HPSE2: variants seen among roughly 807,000 people sequenced by gnomAD.
The protein encoded by HPSE2 is inactive heparanase-2.
In HPSE2, 38 loss-of-function variants were observed where a neutral mutation model predicts 60.5. The ratio of observed to expected loss-of-function variants is 0.63; its 90% confidence interval spans 0.48 to 0.82. The LOEUF is 0.82. Ranked by LOEUF, HPSE2 falls within the 40% of genes least tolerant of loss-of-function variation. The probability of loss-of-function intolerance (pLI) is 0.00; values close to 1 mark genes in which losing one functional copy is unlikely to be tolerated. For synonymous variants in HPSE2, 295 were observed against 293.2 expected (o/e 1.01, Z -0.06); for missense variants, 713 against 740.4 (o/e 0.96, Z 0.43).
chr10:98,689,915 T>A (rs965465227), intron 6 of HPSE2, among the ~76,000 whole-genome samples: 2 of 152,202 alleles, frequency 1.3e-5, no homozygotes, highest in Non-Finnish European at 2.9e-5. Flanking sequence ...GTTTATCAAG[T>A]CCTTCTAAAT....
At chr10:99,053,311 G>A (rs1958032317) in intron 3 of HPSE2, among the ~76,000 whole-genome samples, 1 of 152,062 alleles carries the variant, frequency 6.6e-6, no homozygotes, top group South Asian at 2.1e-4. Context: ...ACTCTAAGTA[G>A]ATTGTGATAA....
chr10:98,949,879 A>C lies in HPSE2; in HGVS notation c.610+194359T>G, dbSNP rs558563394. Among the ~76,000 whole-genome samples the C allele has an allele frequency of 2.6e-5, 4 of 152,280 alleles. No homozygotes were observed. In the East Asian group the frequency reaches 7.7e-4, roughly 29 times the overall value. Reference sequence around the variant, plus strand: ...AGCTAAAGGAAAGATATATAAAAAGAGGAAAACAGAACAGGAAGGCAGAAG... The same window carrying C: ...AGCTAAAGGAAAGATATATAAAAAGCGGAAAACAGAACAGGAAGGCAGAAG... On this transcript the variant is annotated intron_variant, in intron 3 of 11. Transcript: ENST00000370552.
At chr10:99,296,742 T>C in the HPSE2 span, among the ~76,000 whole-genome samples, 1 of 152,254 alleles carries the variant, frequency 6.6e-6, no homozygotes, top group Non-Finnish European at 1.5e-5. Flanking sequence ...CTTCATGAGA[T>C]ATGGCAGTCG....
intron 3 of HPSE2, among the ~76,000 whole-genome samples, chr10:99,138,745 G>A (rs1176846612): frequency 5.3e-5 from 8 of 152,286 alleles, no homozygotes; most frequent in African/African-American, 9.6e-5. Flanking sequence ...CCTTTTGGGC[G>A]ATGGGGGGCT....
chr10:99,225,763 T>C (rs1849452685), intron 2 of HPSE2, among the ~76,000 whole-genome samples: 1 of 152,020 alleles, frequency 6.6e-6, no homozygotes, highest in Admixed American at 6.6e-5. Flanking sequence ...GCCTCTTTTT[T>C]CCTCTATGGC....
chr10:98,957,590 C>T (rs1344288784), intron 3 of HPSE2, among the ~76,000 whole-genome samples: 1 of 152,200 alleles, frequency 6.6e-6, no homozygotes, highest in Non-Finnish European at 1.5e-5. Flanking sequence ...TCCAATTTAT[C>T]TAAGTCTTCT....
chr10:98,774,019 G>A (rs530193326), intron 3 of HPSE2, among the ~76,000 whole-genome samples: 31 of 152,244 alleles, frequency 2.0e-4, no homozygotes, highest in African/African-American at 7.2e-4. Flanking sequence ...AGCCATGACT[G>A]TGTCACTGCA....
At chr10:98,829,649 C>A (rs1038206226) in intron 3 of HPSE2, among the ~76,000 whole-genome samples, 1 of 152,076 alleles carries the variant, frequency 6.6e-6, no homozygotes, top group East Asian at 1.9e-4. Flanking sequence ...AATTTTATGT[C>A]ATGTATATTT....
chr10:99,260,984 G>A, the HPSE2 span, among the ~76,000 whole-genome samples: 2 of 152,242 alleles, frequency 1.3e-5, no homozygotes, highest in South Asian at 4.2e-4. Flanking sequence ...CTCGACAGTG[G>A]TTCCAAATAG....
At chr10:98,815,935 C>T (rs373582554) in intron 3 of HPSE2, among the ~76,000 whole-genome samples, 63 of 150,074 alleles carry the variant, frequency 4.2e-4, no homozygotes, top group African/African-American at 1.5e-3. Context: ...GGACGAAAAA[C>T]CAAACACCGC....
At chr10:98,549,418 G>C (rs935389562) in intron 9 of HPSE2, among the ~76,000 whole-genome samples, 1 of 151,908 alleles carries the variant, frequency 6.6e-6, no homozygotes, top group African/African-American at 2.4e-5. Context: ...TCTTTCCTCT[G>C]GCCTCCTTCA....
At chr10:98,758,396 A>G (rs1306399367) in intron 3 of HPSE2, among the ~76,000 whole-genome samples, 1 of 152,166 alleles carries the variant, frequency 6.6e-6, no homozygotes, top group East Asian at 1.9e-4. Flanking sequence ...CAAACAGACA[A>G]CCTACAGAAT....
intron 2 of HPSE2, among the ~76,000 whole-genome samples, chr10:99,226,876 T>C (rs1408215406): frequency 1.3e-5 from 2 of 152,118 alleles, no homozygotes; most frequent in South Asian, 2.1e-4. Flanking sequence ...AAGCAATTAT[T>C]ACTGTTGTGT....
At chr10:99,010,444 C>A (rs1222002471) in intron 3 of HPSE2, among the ~76,000 whole-genome samples, 2 of 152,122 alleles carry the variant, frequency 1.3e-5, no homozygotes, top group African/African-American at 2.4e-5. Context: ...TACTTGACTC[C>A]TATTGATTCC....
At chr10:98,590,680 G>T (rs749175417) in intron 9 of HPSE2, among the ~76,000 whole-genome samples, 2 of 152,132 alleles carry the variant, frequency 1.3e-5, no homozygotes, top group African/African-American at 4.8e-5. Flanking sequence ...ACCCAGGATT[G>T]TATGCCAACT....
chr10:99,190,002 G>C (rs1279280755), intron 2 of HPSE2, among the ~76,000 whole-genome samples: 1 of 152,120 alleles, frequency 6.6e-6, no homozygotes, highest in Non-Finnish European at 1.5e-5. Flanking sequence ...CTCTGTTAAT[G>C]AATCTCCACT....
At chr10:99,080,388 A>T (rs1843095141) in intron 3 of HPSE2, among the ~76,000 whole-genome samples, 1 of 152,152 alleles carries the variant, frequency 6.6e-6, no homozygotes, top group African/African-American at 2.4e-5. Context: ...ATGTGGGGGA[A>T]ATGGCTTTGG....
intron 3 of HPSE2, chr10:99,013,270 C>G: frequency 1.6e-6 from 1 of 626,050 alleles, no homozygotes; most frequent in Non-Finnish European, 3.0e-6. Flanking sequence ...TGTTTATTAG[C>G]AAAAATCAGT....
intron 3 of HPSE2, among the ~76,000 whole-genome samples, chr10:99,089,542 T>C (rs1046443664): frequency 6.6e-6 from 1 of 152,204 alleles, no homozygotes; most frequent in African/African-American, 2.4e-5. Flanking sequence ...TGCCTATTTT[T>C]ATACCAGTAC....
Sources: gnomAD v4.1 joint callset for allele counts (sites outside exome capture counted in the v4.1 genomes callset) on GRCh38, gnomAD v4.1.1 for gene constraint, MANE v1.5 for transcripts, NCBI Gene and HGNC (gene_info 2026-07-23, HGNC 2026-07-21) for gene names.